Variants in TBC1D5 observed in about 807,000 individuals in gnomAD.
TBC1D5 encodes the protein TBC1 domain family member 5.
A neutral mutation model predicts 100.3 loss-of-function variants in TBC1D5; 75 were observed. The ratio of observed to expected loss-of-function variants is 0.75; its 90% CI spans 0.62 to 0.91. TBC1D5 has a LOEUF of 0.91. Ranked by LOEUF, TBC1D5 falls within the 40% of genes least tolerant of loss-of-function variation. The probability of loss-of-function intolerance (pLI) is 0.00; values close to 1 mark genes in which losing one functional copy is unlikely to be tolerated. For synonymous variants in TBC1D5, 323 were observed against 325.6 expected (o/e 0.99, Z 0.09); for missense variants, 910 against 942.4 (o/e 0.97, Z 0.45).
intron 21 of TBC1D5, among the ~76,000 whole-genome samples, 191 bp downstream of exon 22, chr3:17,166,576 G>C (rs955193434): frequency 1.3e-5 from 2 of 152,218 alleles, no homozygotes; most frequent in Non-Finnish European, 2.9e-5. Context: ...TGTCTTACCA[G>C]TATCATTGTG....
At chr3:17,181,867 A>G (rs2068488617) in intron 19 of TBC1D5, among the ~76,000 whole-genome samples, 1 of 152,238 alleles carries the variant, frequency 6.6e-6, no homozygotes, top group African/African-American at 2.4e-5. Flanking sequence ...TCTATCACTA[A>G]TATCTACTTA....
intron 4 of TBC1D5, among the ~76,000 whole-genome samples, chr3:17,411,858 A>T (rs958678574): frequency 6.6e-6 from 1 of 152,172 alleles, no homozygotes; most frequent in African/African-American, 2.4e-5. Flanking sequence ...CAATCATTTA[A>T]ATTTATTCAT....
chr3:17,240,946 G>A (rs2076257253), intron 16 of TBC1D5, among the ~76,000 whole-genome samples: 1 of 152,150 alleles, frequency 6.6e-6, no homozygotes, highest in African/African-American at 2.4e-5. Flanking sequence ...TCAAGTTTAT[G>A]CAGAGCAATT....
At chr3:17,600,412 G>C (rs2060855383) in intron 2 of TBC1D5, among the ~76,000 whole-genome samples, 1 of 152,012 alleles carries the variant, frequency 6.6e-6, no homozygotes, top group Admixed American at 6.6e-5. Flanking sequence ...AATCAGCAGT[G>C]AATTAATTCA....
chr3:17,179,794 G>A (rs1007503655), intron 19 of TBC1D5, among the ~76,000 whole-genome samples: 1 of 152,182 alleles, frequency 6.6e-6, no homozygotes, highest in Non-Finnish European at 1.5e-5. Flanking sequence ...TTATCTGTAT[G>A]ACTCATCAAT....
In TBC1D5 at chr3:17,256,239, C is replaced by T. The variant is rs536064321; in HGVS notation, c.1331+2267G>A. 5.3e-5 allele frequency among the ~76,000 whole-genome samples: 8 copies of T among 152,016 alleles called. No homozygotes were observed. In the East Asian group the frequency reaches 1.5e-3, roughly 29 times the overall value. The stretch of plus-strand genomic sequence containing the variant: ...CCCAGCACCGTCTATTAACTATTTC[C>T]TTGCTTACTGAGTTGTGACGTCTTC... On this transcript the variant is annotated intron_variant, in intron 16 of 21. Coordinates refer to ENST00000253692, the Ensembl canonical transcript of TBC1D5.
At chr3:17,401,040 A>G (rs2093630136) in intron 8 of TBC1D5, among the ~76,000 whole-genome samples, 1 of 151,932 alleles carries the variant, frequency 6.6e-6, no homozygotes, top group South Asian at 2.1e-4. Flanking sequence ...CTCCTTAATA[A>G]ACTCCCCTTT....
chr3:17,397,290 G>C (rs1337752931), intron 8 of TBC1D5, among the ~76,000 whole-genome samples: 2 of 152,086 alleles, frequency 1.3e-5, no homozygotes, highest in South Asian at 4.1e-4. Flanking sequence ...TTAAAAAACT[G>C]AGAAGACAAA....
chr3:17,640,679 C>T (rs938675426), intron 1 of TBC1D5, among the ~76,000 whole-genome samples: 1 of 151,968 alleles, frequency 6.6e-6, no homozygotes, highest in Non-Finnish European at 1.5e-5. Context: ...TTTGATTCTG[C>T]CACAGTCCAA....
chr3:17,518,983 C>T (rs1334839486), intron 2 of TBC1D5: 1 of 152,298 alleles, frequency 6.6e-6, no homozygotes, highest in Non-Finnish European at 1.5e-5. Context: ...CTCGTTTGCT[C>T]GCAGGCTCCC....
chr3:17,277,815 G>C (rs1476815597), intron 15 of TBC1D5, among the ~76,000 whole-genome samples: 2 of 152,184 alleles, frequency 1.3e-5, no homozygotes, highest in Non-Finnish European at 2.9e-5. Flanking sequence ...GAGCCAGGGG[G>C]CTAGGTCTTG....
At position 17,261,753 on chromosome 3, in the gene TBC1D5, A is replaced by C. The variant is rs183457765; in HGVS notation, c.1246-3162T>G. On this transcript the variant is annotated intron_variant, in intron 15 of 21. Coordinates refer to ENST00000253692, the Ensembl canonical transcript of TBC1D5. ...GCCCAGGCTGGTCTTGAACTCCTGG[A>C]ATCAAGTGAACCACCCACCTCAGCC... 8.2e-4 allele frequency among the ~76,000 whole-genome samples: 124 copies of C among 152,004 alleles called. 2 individuals are homozygous for C. The South Asian group carries it at 0.012, about 15-fold the overall frequency.
intron 2 of TBC1D5, among the ~76,000 whole-genome samples, chr3:17,602,126 C>T (rs897084992): frequency 1.3e-5 from 2 of 152,164 alleles, no homozygotes; most frequent in East Asian, 1.9e-4. Flanking sequence ...CCATTGCGCC[C>T]GGCCAATAAG....
intron 4 of TBC1D5, among the ~76,000 whole-genome samples, chr3:17,420,427 T>C (rs1343148047): frequency 2.6e-5 from 4 of 152,234 alleles, no homozygotes; most frequent in Non-Finnish European, 5.9e-5. Context: ...AAATTGTTTA[T>C]GAAATAGACA....
intron 2 of TBC1D5, among the ~76,000 whole-genome samples, chr3:17,537,965 T>C (rs762596363): frequency 1.1e-4 from 16 of 152,236 alleles, no homozygotes; most frequent in Non-Finnish European, 2.1e-4. Context: ...CAGCTCAGTT[T>C]TATACATTTT....
intron 4 of TBC1D5, among the ~76,000 whole-genome samples, chr3:17,420,715 C>G (rs986073588): frequency 6.6e-6 from 1 of 152,098 alleles, no homozygotes; most frequent in Non-Finnish European, 1.5e-5. Flanking sequence ...CTATATATTA[C>G]AAACAGTGAT....
upstream of TBC1D5, among the ~76,000 whole-genome samples, chr3:17,742,145 G>A (rs897752806): frequency 2.6e-5 from 4 of 152,182 alleles, no homozygotes; most frequent in African/African-American, 2.4e-5. Flanking sequence ...CAGACTGCAA[G>A]CAGCCACCCC....
In TBC1D5 at chr3:17,555,979, AT is replaced by A. The variant is rs2096515899; in HGVS notation, c.-35-47375del. On this transcript the variant is annotated intron_variant, in intron 2 of 21. Transcript: ENST00000253692. ...CAGTTGATTGGGGGCTTAGAATTTT[AT>A]TTTTGGTTTACATCTCTAACCACTG... 3.3e-5 allele frequency among the ~76,000 whole-genome samples: 5 copies of A among 151,980 alleles called. No homozygotes were observed. The South Asian group carries it at 1.0e-3, about 32-fold the overall frequency.
At chr3:17,253,413 A>G (rs1375640119) in intron 16 of TBC1D5, among the ~76,000 whole-genome samples, 1 of 152,230 alleles carries the variant, frequency 6.6e-6, no homozygotes, top group African/African-American at 2.4e-5. Flanking sequence ...TTCTTAACCA[A>G]TTTAGGTAAA....
Sources: allele counts gnomAD v4.1 joint callset (sites outside exome capture counted in the v4.1 genomes callset), GRCh38; gene constraint gnomAD v4.1.1; transcripts MANE v1.5; gene names NCBI Gene and HGNC (gene_info 2026-07-23, HGNC 2026-07-21).